Variants in CAPN3 observed in about 807,000 individuals in gnomAD.
CAPN3 encodes calpain-3.
Under a neutral mutation model 114.0 loss-of-function variants are expected in CAPN3, and 88 were observed. The ratio of observed to expected loss-of-function variants is 0.77; its 90% confidence interval spans 0.65 to 0.92. The LOEUF (loss-of-function observed/expected upper bound fraction) is 0.92. Among genes scored for constraint, CAPN3 ranks in the 40% least tolerant of loss-of-function variants. The probability of loss-of-function intolerance (pLI) is 0.00; values close to 1 mark genes in which losing one functional copy is unlikely to be tolerated. For missense variants in CAPN3, 1,028 were observed against 1,069.0 expected (o/e 0.96, Z 0.53); for synonymous variants, 386 against 382.9 (o/e 1.01, Z -0.09).
rs1405404147 is a variant in CAPN3 at position 42,389,901 on chromosome 15, T to TTTGTTCTCTCCCTCCCCTGTG, written c.802-45_802-25dup. 76 of 1,602,894 alleles carry TTTGTTCTCTCCCTCCCCTGTG rather than the reference T, an allele frequency of 4.7e-5. No individual in the cohort carries two copies. The East Asian group carries it at 1.5e-3, about 32-fold the overall frequency. ...CTCCTTCCCTTTCCACCCTTCTGTGTTTGTTCTCTCCCTCCCCTGTGTTGT... is the reference window on the plus strand; with the variant it reads ...CTCCTTCCCTTTCCACCCTTCTGTGTTTGTTCTCTCCCTCCCCTGTGTTGTTCTCTCCCTCCCCTGTGTTGT... On this transcript the variant is annotated intron_variant, in intron 5 of 23. Coordinates refer to ENST00000397163, the MANE Select transcript of CAPN3 (RefSeq NM_000070.3).
intron 1 of CAPN3, among the ~76,000 whole-genome samples, chr15:42,377,417 T>G (rs1456505587): frequency 1.3e-5 from 2 of 152,246 alleles, no homozygotes; most frequent in African/African-American, 2.4e-5. Flanking sequence ...GGGCATTTTC[T>G]CCATCAATTA....
intron 16 of CAPN3, chr15:42,408,908 G>A (rs1326726974): frequency 3.2e-6 from 1 of 310,646 alleles, no homozygotes; most frequent in African/African-American, 2.2e-5. Context: ...TGGGGCCTAG[G>A]GGAGGTTCTC....
rs1421065342 is a variant in CAPN3, at chr15:42,412,262, G to A, written c.*489G>A. 3.6e-6 allele frequency: 5 copies of A among 1,372,512 alleles called. No homozygotes were observed. In the East Asian group the frequency reaches 1.0e-4, roughly 27 times the overall value. 85.0% of individuals were successfully genotyped at this position (1,372,512 alleles called of 1,614,324 possible). A position where few individuals can be genotyped will look rare whatever the true frequency, so the allele number is the denominator to read the frequency against. On this transcript the variant is annotated 3_prime_UTR_variant, in exon 24 of 24. Coordinates refer to ENST00000397163, the MANE Select transcript of CAPN3 (RefSeq NM_000070.3). ...TTACTTTGGGCTGTCCAACTCATAA[G>A]TTTGGCTGCATTTTGAAAAAAGCTG...
intron 1 of CAPN3, among the ~76,000 whole-genome samples, chr15:42,371,690 G>A (rs756905768): frequency 6.6e-5 from 10 of 152,132 alleles, no homozygotes; most frequent in African/African-American, 2.2e-4. Flanking sequence ...TAGGCTGGGC[G>A]TGGTGGCTCA....
chr15:42,399,589 GTGTC>G lies in CAPN3; in HGVS notation c.1295_1298del (p.Ser432Ter). ...GTCTGACAAGCTTCAGACCTGGACA[GTGTC>G]TGTGAACGAGGGCCGCTGGGTACGG... On this transcript the variant is annotated frameshift_variant, in exon 10 of 24. Coordinates refer to ENST00000397163, the MANE Select transcript of CAPN3 (RefSeq NM_000070.3). LOFTEE classifies it high-confidence loss of function. The G allele has an allele frequency of 6.2e-7, 1 of 1,614,014 alleles. No homozygotes were observed. The highest frequency in any genetic ancestry group is 2.2e-5 in the East Asian group (1 of 44,884).
chr15:42,361,168 T>C (rs2052633010), intron 1 of CAPN3, among the ~76,000 whole-genome samples: 1 of 152,210 alleles, frequency 6.6e-6, no homozygotes, highest in Non-Finnish European at 1.5e-5. Context: ...GCCATGGTTT[T>C]CTTTAACCTA....
At position 42,386,200 on chromosome 15, in the gene CAPN3, T is replaced by C; in HGVS notation, c.413T>C (p.Leu138Pro). 6.2e-7 allele frequency: 1 copy of C among 1,614,148 alleles called. No individual in the cohort carries two copies. Among genetic ancestry groups the C allele is most frequent in the Non-Finnish European group, 8.5e-7 (1 of 1,179,966 alleles). The change falls in exon 3 of 24, where the codon CTG (leucine) becomes CCG (proline). Residue 138 changes from leucine (L) to proline (P), a missense_variant. Coordinates refer to ENST00000397163, the MANE Select transcript of CAPN3 (RefSeq NM_000070.3). ...TGGTTTCTCGCAGCCATTGCCTGCC[T>C]GACCCTGAACCAGCACCTTCTTTTC... ...DCWFLAAIAC[L>P]TLNQHLLFRV...
intron 14 of CAPN3, among the ~76,000 whole-genome samples, chr15:42,404,532 ACT>A (rs2053965908): frequency 6.6e-6 from 1 of 152,012 alleles, no homozygotes; most frequent in Non-Finnish European, 1.5e-5. Context: ...TCACATTCAG[ACT>A]CTCTGACTCC....
intron 1 of CAPN3, among the ~76,000 whole-genome samples, chr15:42,379,466 T>C (rs1034115691): frequency 2.6e-5 from 4 of 152,228 alleles, no homozygotes; most frequent in Non-Finnish European, 4.4e-5. Context: ...GATAGTGTTG[T>C]TCAGGTCAAC....
At chr15:42,390,312 A>G (rs1267040551) in intron 6 of CAPN3, among the ~76,000 whole-genome samples, 4 of 152,268 alleles carry the variant, frequency 2.6e-5, no homozygotes, top group Non-Finnish European at 5.9e-5. Flanking sequence ...GAGTTTCTGC[A>G]TATTCCATGG....
Position 42,399,626 on chromosome 15 carries a change from C to T in CAPN3, c.1328C>T (p.Ser443Phe), listed in dbSNP as rs1471965884. The T allele has an allele frequency of 6.2e-7, 1 of 1,605,532 alleles. No homozygotes were observed. The highest frequency in any genetic ancestry group is 8.5e-7 in the Non-Finnish European group (1 of 1,175,240). The change falls in exon 10 of 24, where the codon TCT (serine) becomes TTT (phenylalanine). Residue 443 changes from serine to phenylalanine, a missense_variant. Ser to Phe is a radical substitution (Grantham distance 155, BLOSUM62 -2). Coordinates refer to ENST00000397163, the MANE Select transcript of CAPN3 (RefSeq NM_000070.3). ...VNEGRWVRGC[S>F]AGGCRNFPDT... The stretch of plus-strand genomic sequence containing the variant: ...GAGGGCCGCTGGGTACGGGGTTGCT[C>T]TGCCGGAGGCTGCCGCAACTTCCCA...
intron 1 of CAPN3, 150 bp downstream of exon 1, chr15:42,360,264 G>T: frequency 3.4e-6 from 3 of 873,472 alleles, no homozygotes; most frequent in South Asian, 2.8e-5. Flanking sequence ...TGTGAAGCAG[G>T]GAGGAGAGGA....
intron 1 of CAPN3, among the ~76,000 whole-genome samples, chr15:42,367,630 G>A (rs2052822718): frequency 6.6e-6 from 1 of 152,132 alleles, no homozygotes; most frequent in Non-Finnish European, 1.5e-5. Context: ...TGATATAAAG[G>A]TTTTAAAGAG....
At chr15:42,380,743 ATATATATATTTTTTT>A (rs2053224022) in intron 1 of CAPN3, among the ~76,000 whole-genome samples, 1 of 59,318 alleles carries the variant, frequency 1.7e-5, no homozygotes, top group Admixed American at 1.7e-4. Context: ...ATATATATAT[ATATATATATTTTTTT>A]TTTTTTTTTT....
At chr15:42,381,011 G>T (rs2053237684) in intron 1 of CAPN3, among the ~76,000 whole-genome samples, 1 of 151,770 alleles carries the variant, frequency 6.6e-6, no homozygotes, top group African/African-American at 2.4e-5. Context: ...CATTTAGTTT[G>T]TACTCTAGGT....
At chr15:42,403,883 G>A in intron 14 of CAPN3, 106 bp downstream of exon 14, 1 of 1,019,614 alleles carries the variant, frequency 9.8e-7, no homozygotes, top group Non-Finnish European at 1.6e-6. Flanking sequence ...GAGGGAATGG[G>A]AGTCTGGGCT....
intron 18 of CAPN3, 39 bp downstream of exon 18, chr15:42,409,883 G>C (rs1269716155): frequency 1.8e-5 from 10 of 559,692 alleles, no homozygotes; most frequent in Non-Finnish European, 3.2e-5. Context: ...GGTGGGTGGG[G>C]AGTCCCGTTG....
chr15:42,362,512 C>T (rs960431461), intron 1 of CAPN3, among the ~76,000 whole-genome samples: 2 of 152,166 alleles, frequency 1.3e-5, no homozygotes, highest in East Asian at 3.8e-4. Context: ...CTGGATTTTC[C>T]ACTGTTTGAG....
At chr15:42,389,739 G>A (rs2053502469) in intron 5 of CAPN3, among the ~76,000 whole-genome samples, 1 of 152,280 alleles carries the variant, frequency 6.6e-6, no homozygotes, top group East Asian at 1.9e-4. Flanking sequence ...CACGCCCAAT[G>A]GACAGCTTGG....
Sources: allele counts gnomAD v4.1 joint callset (sites outside exome capture counted in the v4.1 genomes callset), GRCh38; gene constraint gnomAD v4.1.1; transcripts MANE v1.5; gene names NCBI Gene and HGNC (gene_info 2026-07-23, HGNC 2026-07-21).